Variants in FHOD3 observed in about 807,000 individuals in gnomAD.
FHOD3 encodes the protein FH1/FH2 domain-containing protein 3.
A neutral mutation model predicts 173.0 loss-of-function variants in FHOD3; 90 were observed. That is an observed-to-expected ratio of 0.52 (90% CI 0.44 to 0.62). The LOEUF is 0.62. Among genes scored for constraint, FHOD3 ranks in the 20% least tolerant of loss-of-function variants. The pLI is 0.00. For missense variants in FHOD3, 1,945 were observed against 2,034.7 expected (o/e 0.96, Z 0.85); for synonymous variants, 828 against 823.0 (o/e 1.01, Z -0.10).
At chr18:36,755,407 T>A in intron 25 of FHOD3, 96 bp downstream of exon 25, 2 of 411,194 alleles carry the variant, frequency 4.9e-6, no homozygotes, top group Non-Finnish European at 6.3e-6. Context: ...CTTTTTTTTT[T>A]TTTTTTTTTT....
intron 15 of FHOD3, among the ~76,000 whole-genome samples, chr18:36,684,153 T>C (rs1427575738): frequency 6.6e-6 from 1 of 152,188 alleles, no homozygotes; most frequent in Non-Finnish European, 1.5e-5. Flanking sequence ...TGAATTAATA[T>C]TGGAACCAAT....
intron 3 of FHOD3, among the ~76,000 whole-genome samples, chr18:36,402,190 A>G (rs2048845112): frequency 6.6e-6 from 1 of 152,130 alleles, no homozygotes; most frequent in Non-Finnish European, 1.5e-5. Context: ...TTTGTTTTTA[A>G]AAACAGAAAA....
intron 3 of FHOD3, among the ~76,000 whole-genome samples, chr18:36,373,443 C>T (rs1409796115): frequency 0.024 from 2 of 84 alleles, no homozygotes; most frequent in African/African-American, 0.083. Context: ...CTAGTCTATA[C>T]CCGAAAACAT....
rs191700084 is a variant in FHOD3, at chr18:36,368,523, C to T, written c.273-4157C>T. Among the ~76,000 whole-genome samples the T allele has an allele frequency of 4.6e-5, 7 of 152,248 alleles. No individual in the cohort carries two copies. The East Asian group carries it at 5.8e-4, about 13-fold the overall frequency. The stretch of plus-strand genomic sequence containing the variant: ...TGCCTGGGTTGAGTCTGAGCTCTGT[C>T]GCTTTCTAGCTGTGTGACTTCAGCT... On this transcript the variant is annotated intron_variant, in intron 2 of 28. Coordinates refer to ENST00000590592, the MANE Select transcript of FHOD3 (RefSeq NM_001281740.3).
intron 3 of FHOD3, among the ~76,000 whole-genome samples, chr18:36,477,694 A>T (rs1807891660): frequency 6.6e-6 from 1 of 152,174 alleles, no homozygotes; most frequent in South Asian, 2.1e-4. Flanking sequence ...TAGGTACTGT[A>T]CCAGGTGTTA....
At chr18:36,348,831 C>T (rs2045984512) in intron 1 of FHOD3, among the ~76,000 whole-genome samples, 1 of 152,116 alleles carries the variant, frequency 6.6e-6, no homozygotes, top group Non-Finnish European at 1.5e-5. Flanking sequence ...CAGGTAGTGA[C>T]CAGCCCTGCC....
intron 18 of FHOD3, among the ~76,000 whole-genome samples, chr18:36,713,078 A>G (rs1006594196): frequency 4.6e-5 from 7 of 152,246 alleles, no homozygotes; most frequent in Non-Finnish European, 8.8e-5. Flanking sequence ...AAAAACTAAA[A>G]GAGTGGGTCC....
chr18:36,749,111 G>A (rs1026848877), intron 24 of FHOD3, among the ~76,000 whole-genome samples: 12 of 151,982 alleles, frequency 7.9e-5, no homozygotes, highest in Admixed American at 4.6e-4. Context: ...TGTCTCTTTG[G>A]GTAAAACCTA....
chr18:36,515,238 G>A (rs1037689365), intron 5 of FHOD3, among the ~76,000 whole-genome samples: 3 of 151,418 alleles, frequency 2.0e-5, no homozygotes, highest in African/African-American at 7.3e-5. Context: ...TTTATTTTGA[G>A]ACAGAGTCTC....
chr18:36,319,355 G>A (rs532224219), intron 1 of FHOD3, among the ~76,000 whole-genome samples: 4 of 152,252 alleles, frequency 2.6e-5, no homozygotes, highest in Admixed American at 2.6e-4. Flanking sequence ...TGATAAAACA[G>A]ACTTTAAACC....
chr18:36,618,063 T>TTAAC (rs2033375704), intron 9 of FHOD3, among the ~76,000 whole-genome samples: 1 of 152,164 alleles, frequency 6.6e-6, no homozygotes, highest in South Asian at 2.1e-4. Flanking sequence ...TCCCTCCAGA[T>TTAAC]TAACTAATGG....
chr18:36,313,706 G>A (rs1465044351), intron 1 of FHOD3, among the ~76,000 whole-genome samples: 3 of 152,102 alleles, frequency 2.0e-5, no homozygotes, highest in Non-Finnish European at 4.4e-5. Context: ...CTGGTTTTTG[G>A]TGATTATGAA....
At position 36,324,885 on chromosome 18, in the gene FHOD3, A is replaced by G. The variant is rs140531406; in HGVS notation, c.165+26885A>G. On this transcript the variant is annotated intron_variant, in intron 1 of 28. Coordinates refer to ENST00000590592, the MANE Select transcript of FHOD3 (RefSeq NM_001281740.3). ...TGTGCCCCAAAAGACATAATACAAA[A>G]CAGAGCAGTCTGTGTGATAGCAAAA... 3.1e-3 allele frequency among the ~76,000 whole-genome samples: 473 copies of G among 152,358 alleles called. 3 individuals carry two copies. The highest frequency in any genetic ancestry group is 0.011 in the African/African-American group (438 of 41,584).
chr18:36,321,768 G>A (rs992107932), intron 1 of FHOD3, among the ~76,000 whole-genome samples: 10 of 152,266 alleles, frequency 6.6e-5, no homozygotes, highest in African/African-American at 2.4e-4. Context: ...TGTAACAGCT[G>A]GAGAAACAAG....
chr18:36,379,501 T>A (rs2047627226), intron 3 of FHOD3, among the ~76,000 whole-genome samples: 1 of 152,238 alleles, frequency 6.6e-6, no homozygotes, highest in Non-Finnish European at 1.5e-5. Flanking sequence ...TCAATGTCCA[T>A]GTAATTGTTT....
intron 3 of FHOD3, among the ~76,000 whole-genome samples, chr18:36,453,506 T>C (rs1275135720): frequency 1.3e-5 from 2 of 152,244 alleles, no homozygotes; most frequent in Non-Finnish European, 2.9e-5. Context: ...CCCTACGTGC[T>C]CTGCGCAATG....
intron 19 of FHOD3, among the ~76,000 whole-genome samples, chr18:36,725,598 A>G (rs545151): frequency 0.97 from 147,055 of 152,180 alleles, 71,089 homozygotes; most frequent in East Asian, 1. Context: ...CAGCAAGGGG[A>G]TCTCCTGGCT....
rs537846267 is a variant in FHOD3, at chr18:36,652,673, C to T, written c.1390C>T (p.Leu464Phe). ...GAATGCCAGCTCGCAGGGAAAGCCG[C>T]TTCTGGTTGGCACTGCAGGCGGGAC... ...VSNASSQGKP[L>F]LVGTAGGTTW... Residue 464 changes from leucine (L) to phenylalanine (F), a missense_variant, in exon 12 of 29, where the codon CTT (leucine) becomes TTT (phenylalanine). Physicochemically the swap from Leu to Phe is conservative, Grantham distance 22. Transcript: ENST00000590592. 1,490 of 1,535,784 alleles carry T rather than the reference C, an allele frequency of 9.7e-4. No homozygotes were observed. The highest frequency in any genetic ancestry group is 1.2e-3 in the Non-Finnish European group (1,409 of 1,146,682).
chr18:36,695,280 G>A (rs572053903), intron 17 of FHOD3, among the ~76,000 whole-genome samples: 5 of 151,870 alleles, frequency 3.3e-5, no homozygotes, highest in Admixed American at 6.5e-5. Context: ...CCCAGGAGGC[G>A]GAGGTTGCAG....
Sources: gnomAD v4.1 joint callset for allele counts (sites outside exome capture counted in the v4.1 genomes callset) on GRCh38, gnomAD v4.1.1 for gene constraint, MANE v1.5 for transcripts, NCBI Gene and HGNC (gene_info 2026-07-23, HGNC 2026-07-21) for gene names.